The following SAMD13 variants were observed in gnomAD, a reference collection of about 807,000 sequenced individuals.
The protein encoded by SAMD13 is sterile alpha motif domain-containing protein 13.
SAMD13 carries 9 observed loss-of-function variants against 12.4 expected under a neutral mutation model. The ratio of observed to expected loss-of-function variants is 0.72; its 90% CI spans 0.44 to 1.26. The LOEUF (loss-of-function observed/expected upper bound fraction) is 1.26, where lower values mean the gene tolerates loss of function less well. Among genes scored for constraint, SAMD13 ranks in the 50% most tolerant of loss-of-function variants. The pLI is 0.00. For missense variants in SAMD13, 84 were observed against 119.6 expected (o/e 0.70, Z 1.39); for synonymous variants, 46 against 45.4 (o/e 1.01, Z -0.05).
intron 2 of SAMD13, among the ~76,000 whole-genome samples, chr1:84,310,657 A>G (rs1678688330): frequency 6.6e-6 from 1 of 152,202 alleles, no homozygotes; most frequent in Non-Finnish European, 1.5e-5. Flanking sequence ...TTACATCCAC[A>G]TTGACAACTG....
At chr1:84,345,094 C>T (rs1045802297) in intron 3 of SAMD13, 40 of 456,544 alleles carry the variant, frequency 8.8e-5, no homozygotes, top group African/African-American at 6.6e-4. Context: ...AGAGCAAGTA[C>T]CTCTACCTCT....
intron 3 of SAMD13, among the ~76,000 whole-genome samples, chr1:84,340,238 T>G (rs1050827902): frequency 6.6e-6 from 1 of 152,244 alleles, no homozygotes; most frequent in African/African-American, 2.4e-5. Flanking sequence ...TAATGGAATA[T>G]TATTCAACCA....
chr1:84,339,616 C>T (rs1679379351), intron 3 of SAMD13, among the ~76,000 whole-genome samples: 1 of 152,160 alleles, frequency 6.6e-6, no homozygotes, highest in Non-Finnish European at 1.5e-5. Flanking sequence ...TTGCTGGCCA[C>T]AGAGTTTCAC....
chr1:84,305,966 A>G (rs767327810), intron 2 of SAMD13, among the ~76,000 whole-genome samples: 28 of 152,178 alleles, frequency 1.8e-4, no homozygotes, highest in Non-Finnish European at 3.1e-4. Flanking sequence ...GTACATTTCC[A>G]TATGAATTTT....
At chr1:84,299,022 G>A (rs935718796), upstream of SAMD13, among the ~76,000 whole-genome samples, 6 of 152,156 alleles carry the variant, frequency 3.9e-5, no homozygotes, top group Admixed American at 3.3e-4. Flanking sequence ...CTGGGCCGGC[G>A]CTGCTGGTCC....
chr1:84,330,017 C>T (rs1679141529), intron 3 of SAMD13, among the ~76,000 whole-genome samples: 1 of 152,132 alleles, frequency 6.6e-6, no homozygotes, highest in South Asian at 2.1e-4. Flanking sequence ...CTTGTCAGTA[C>T]CACCTCTCTT....
At chr1:84,325,205 G>A (rs757418543) in intron 2 of SAMD13, among the ~76,000 whole-genome samples, 8 of 152,132 alleles carry the variant, frequency 5.3e-5, no homozygotes, top group Non-Finnish European at 1.0e-4. Flanking sequence ...ACAGGTGTGG[G>A]GGCATTGTAA....
Position 84,337,858 on chromosome 1 carries a change from T to C in SAMD13, c.166-11773T>C, listed in dbSNP as rs539323643. Among the ~76,000 whole-genome samples, 36 of 152,316 alleles carry C rather than the reference T, an allele frequency of 2.4e-4. 1 individual carries two copies. The highest frequency in any genetic ancestry group is 1.2e-3 in the Admixed American group (19 of 15,300). ...CCAAATCACCTCTTGAAGGCTTTGCTACTTAGAAATTTCTTTTACCAGATA... is the reference window on the plus strand; with the variant it reads ...CCAAATCACCTCTTGAAGGCTTTGCCACTTAGAAATTTCTTTTACCAGATA... On this transcript the variant is annotated intron_variant, in intron 3 of 3. Transcript: ENST00000394834.
chr1:84,314,678 A>G (rs541839512), intron 2 of SAMD13, among the ~76,000 whole-genome samples: 6 of 152,202 alleles, frequency 3.9e-5, no homozygotes, highest in Admixed American at 3.3e-4. Context: ...CAATGTGGAA[A>G]GGGGTGGGAG....
chr1:84,310,793 T>C (rs187211414), intron 2 of SAMD13, among the ~76,000 whole-genome samples: 6 of 152,186 alleles, frequency 3.9e-5, no homozygotes, highest in Admixed American at 3.3e-4. Context: ...TTTGCATAAA[T>C]TGATAAGCAA....
intron 2 of SAMD13, among the ~76,000 whole-genome samples, 174 bp from the exon 3 acceptor site, chr1:84,325,463 A>T (rs1347546118): frequency 6.6e-6 from 1 of 152,162 alleles, no homozygotes; most frequent in African/African-American, 2.4e-5. Context: ...AAACCAGAGG[A>T]AATAATTTAC....
At chr1:84,314,365 G>A (rs1400826821) in intron 2 of SAMD13, among the ~76,000 whole-genome samples, 3 of 152,112 alleles carry the variant, frequency 2.0e-5, no homozygotes, top group Non-Finnish European at 4.4e-5. Flanking sequence ...AAAGGAATGG[G>A]AAACCGATTG....
chr1:84,317,637 G>A (rs1289858089), intron 2 of SAMD13, among the ~76,000 whole-genome samples: 4 of 152,014 alleles, frequency 2.6e-5, no homozygotes, highest in African/African-American at 9.7e-5. Context: ...TGTTCAATCA[G>A]GGATATTGGC....
Position 84,349,845 on chromosome 1 carries a change from T to A in SAMD13, c.*71T>A. The A allele has an allele frequency of 6.4e-7, 1 of 1,553,390 alleles. No individual in the cohort carries two copies. The highest frequency in any genetic ancestry group is 8.7e-7 in the Non-Finnish European group (1 of 1,152,710). ...TAATTTAGTTTCATGTAATGAAACTTTGTAAACAGAATACATACATGTGTA... is the reference window on the plus strand; with the variant it reads ...TAATTTAGTTTCATGTAATGAAACTATGTAAACAGAATACATACATGTGTA... On this transcript the variant is annotated 3_prime_UTR_variant, in exon 4 of 4. Coordinates refer to ENST00000394834, the MANE Select transcript of SAMD13 (RefSeq NM_001134663.2).
At chr1:84,335,507 T>C (rs1035335105) in intron 3 of SAMD13, among the ~76,000 whole-genome samples, 8 of 152,200 alleles carry the variant, frequency 5.3e-5, no homozygotes, top group South Asian at 2.1e-4. Context: ...AACTTGCCAC[T>C]CTGTGACTTT....
At chr1:84,332,796 C>A (rs1679219795) in intron 3 of SAMD13, among the ~76,000 whole-genome samples, 1 of 152,162 alleles carries the variant, frequency 6.6e-6, no homozygotes, top group African/African-American at 2.4e-5. Flanking sequence ...ATCATGAAAT[C>A]TTTGCCAGGG....
chr1:84,301,153 C>G (rs750170214), upstream of SAMD13, among the ~76,000 whole-genome samples: 14 of 152,138 alleles, frequency 9.2e-5, no homozygotes. Flanking sequence ...TATGTTACTT[C>G]CTGCATAATG....
chr1:84,324,204 C>CTCTTT (rs1679008917), intron 2 of SAMD13, among the ~76,000 whole-genome samples: 1 of 152,294 alleles, frequency 6.6e-6, no homozygotes, highest in East Asian at 1.9e-4. Flanking sequence ...CTCCAGCATC[C>CTCTTT]TCTTTTTCAA....
intron 3 of SAMD13, among the ~76,000 whole-genome samples, chr1:84,334,542 A>C (rs573860894): frequency 1.3e-5 from 2 of 151,822 alleles, no homozygotes; most frequent in Admixed American, 6.6e-5. Context: ...ATGGTTTTTC[A>C]TGTCTCAGTT....
Sources: gnomAD v4.1 joint callset for allele counts (sites outside exome capture counted in the v4.1 genomes callset) on GRCh38, gnomAD v4.1.1 for gene constraint, MANE v1.5 for transcripts, NCBI Gene and HGNC (gene_info 2026-07-23, HGNC 2026-07-21) for gene names.